Variants in MED12L observed in about 807,000 individuals in gnomAD.
MED12L encodes mediator complex subunit 12L.
In MED12L, 60 loss-of-function variants were observed where a neutral mutation model predicts 281.3. That is an observed-to-expected ratio of 0.21 (90% CI 0.17 to 0.26). The LOEUF (loss-of-function observed/expected upper bound fraction) is 0.26. Ranked by LOEUF, MED12L falls within the 10% of genes least tolerant of loss-of-function variation. The pLI is 1.00. For synonymous variants in MED12L, 974 were observed against 987.2 expected (o/e 0.99, Z 0.25); for missense variants, 2,146 against 2,680.9 (o/e 0.80, Z 4.41).
chr3:151,215,431 TTAAA>T (rs140151952), intron 16 of MED12L, among the ~76,000 whole-genome samples: 3,258 of 152,312 alleles, frequency 0.021, 104 homozygotes, highest in African/African-American at 0.073. Flanking sequence ...AAATGCTCTA[TTAAA>T]TAAAATATAT....
intron 19 of MED12L, among the ~76,000 whole-genome samples, chr3:151,356,957 A>G (rs151274465): frequency 2.5e-3 from 387 of 152,320 alleles, no homozygotes; most frequent in African/African-American, 8.5e-3. Context: ...AAAATTATAC[A>G]GTCCAGGACC....
At chr3:151,110,069 G>A (rs890866460) in intron 2 of MED12L, among the ~76,000 whole-genome samples, 1 of 152,184 alleles carries the variant, frequency 6.6e-6, no homozygotes, top group Admixed American at 6.5e-5. Flanking sequence ...TAAGAATTTT[G>A]GTGGCTGTTA....
rs545587139 is a variant in MED12L, at chr3:151,172,607, G to A, written c.1494+6625G>A. Among the ~76,000 whole-genome samples, 8 of 152,322 alleles carry A rather than the reference G, an allele frequency of 5.3e-5. No homozygotes were observed. In the South Asian group the frequency reaches 1.7e-3, roughly 32 times the overall value. ...TGGATGGCATTGATCCACTCAGGAT[G>A]GGGTAGCTGCAGGACCATGTTGTAA... On this transcript the variant is annotated intron_variant, in intron 11 of 44. Coordinates refer to ENST00000687756, the MANE Select transcript of MED12L (RefSeq NM_001393769.1).
At chr3:151,234,897 A>AC (rs1367314678) in intron 16 of MED12L, among the ~76,000 whole-genome samples, 1 of 152,152 alleles carries the variant, frequency 6.6e-6, no homozygotes, top group Non-Finnish European at 1.5e-5. Flanking sequence ...TGACTCTTTT[A>AC]CCTATAATAA....
intron 16 of MED12L, among the ~76,000 whole-genome samples, chr3:151,200,161 T>C (rs1725333295): frequency 6.9e-6 from 1 of 144,086 alleles, no homozygotes. Context: ...GCATAAGACA[T>C]ACCCTTAGAA....
chr3:151,142,008 G>A (rs1251830502), intron 5 of MED12L, among the ~76,000 whole-genome samples: 3 of 152,074 alleles, frequency 2.0e-5, no homozygotes, highest in African/African-American at 7.2e-5. Context: ...CCTCTTTATG[G>A]CTATTGGTAT....
At chr3:151,141,947 A>G (rs1291460618) in intron 5 of MED12L, among the ~76,000 whole-genome samples, 1 of 152,202 alleles carries the variant, frequency 6.6e-6, no homozygotes, top group Non-Finnish European at 1.5e-5. Context: ...ATCTTCTATG[A>G]TAAAATGTTA....
chr3:151,341,505 C>T (rs1451388135), intron 16 of MED12L, among the ~76,000 whole-genome samples: 1 of 151,072 alleles, frequency 6.6e-6, no homozygotes, highest in African/African-American at 2.4e-5. Context: ...AACTTTGAAA[C>T]CAGAAGGGCA....
At chr3:151,154,867 G>A (rs529174123) in intron 5 of MED12L, among the ~76,000 whole-genome samples, 3 of 152,216 alleles carry the variant, frequency 2.0e-5, no homozygotes, top group African/African-American at 7.2e-5. Context: ...ATCTGTTATC[G>A]GTGCTTTCAG....
chr3:151,261,461 G>A (rs1738868976), intron 16 of MED12L: 1 of 152,106 alleles, frequency 6.6e-6, no homozygotes, highest in Admixed American at 6.6e-5. Context: ...TGGAGAAACA[G>A]CCATTAGTTT....
rs1381212263 is a variant in MED12L at position 151,377,130 on chromosome 3, G to T, written c.4268G>T (p.Ser1423Ile). The stretch of plus-strand genomic sequence containing the variant: ...CTCTTCAACCCAAACAGTATTGGAA[G>T]TGCTGATACAAGTAGCACGAGACAG... ...MSLFNPNSIGSADTSSTRQNG... is the reference protein window; with the variant it reads ...MSLFNPNSIGIADTSSTRQNG... Residue 1423 changes from serine (S) to isoleucine (I), a missense_variant, in exon 30 of 45, where the codon AGT becomes ATT. Physicochemically the swap from Ser to Ile is moderately radical, Grantham distance 142. Coordinates refer to ENST00000687756, the MANE Select transcript of MED12L (RefSeq NM_001393769.1). 13 of 1,613,906 alleles carry T rather than the reference G, an allele frequency of 8.1e-6. No homozygotes were observed. The Admixed American group carries it at 1.3e-4, about 17-fold the overall frequency.
chr3:151,390,871 A>G (rs1714130310), intron 38 of MED12L, among the ~76,000 whole-genome samples: 1 of 152,202 alleles, frequency 6.6e-6, no homozygotes, highest in Non-Finnish European at 1.5e-5. Flanking sequence ...GCAGGGGGAA[A>G]TCCATATTTT....
chr3:151,230,877 G>A (rs752872564), intron 16 of MED12L, among the ~76,000 whole-genome samples: 2 of 152,114 alleles, frequency 1.3e-5, no homozygotes, highest in Non-Finnish European at 2.9e-5. Context: ...ACTCTCACTA[G>A]CCACTGAAAG....
chr3:151,168,977 A>C (rs115464606), intron 11 of MED12L, among the ~76,000 whole-genome samples: 1,593 of 152,234 alleles, frequency 0.01, 14 homozygotes, highest in Non-Finnish European at 0.018. Flanking sequence ...TGCCTGGACT[A>C]AATTAATTTT....
chr3:151,369,588 C>A, intron 26 of MED12L, 39 bp downstream of exon 26: 1 of 1,335,638 alleles, frequency 7.5e-7, no homozygotes, highest in South Asian at 1.3e-5. Context: ...GGTTAATCAC[C>A]AGAAATGAAG....
chr3:151,115,009 G>A (rs1462424134), intron 2 of MED12L, among the ~76,000 whole-genome samples: 1 of 152,182 alleles, frequency 6.6e-6, no homozygotes, highest in East Asian at 1.9e-4. Context: ...CTAGCTTAGT[G>A]AGGCACACTT....
intron 16 of MED12L, among the ~76,000 whole-genome samples, chr3:151,342,101 G>A (rs1191651406): frequency 2.0e-5 from 3 of 152,150 alleles, no homozygotes; most frequent in Non-Finnish European, 4.4e-5. Context: ...CCAGTAATGG[G>A]ATGGCTGGGT....
chr3:151,216,944 A>G (rs914607263), intron 16 of MED12L, among the ~76,000 whole-genome samples: 4 of 152,130 alleles, frequency 2.6e-5, no homozygotes, highest in African/African-American at 9.7e-5. Flanking sequence ...CTGTATTCCC[A>G]GGTCTAATTT....
At chr3:151,213,550 T>C (rs1559885047) in intron 16 of MED12L, 1 of 1,614,198 alleles carries the variant, frequency 6.2e-7, no homozygotes, top group East Asian at 2.2e-5. Context: ...ACTCTTTGTG[T>C]AGGGGATTCT....
Sources: allele counts gnomAD v4.1 joint callset (sites outside exome capture counted in the v4.1 genomes callset), GRCh38; gene constraint gnomAD v4.1.1; transcripts MANE v1.5; gene names NCBI Gene and HGNC (gene_info 2026-07-23, HGNC 2026-07-21).